Variants in ANKRD13B observed in about 807,000 individuals in gnomAD.
The protein encoded by ANKRD13B is ankyrin repeat domain 13B, also known as ankyrin repeat domain-containing protein 13B.
ANKRD13B carries 33 observed loss-of-function variants against 74.4 expected under a neutral mutation model. The ratio of observed to expected loss-of-function variants is 0.44; its 90% CI spans 0.34 to 0.59. The LOEUF (loss-of-function observed/expected upper bound fraction) is 0.59. ANKRD13B is among the 20% of genes least tolerant of loss of function. The pLI is 0.02. For synonymous variants in ANKRD13B, 341 were observed against 362.9 expected (o/e 0.94, Z 0.68); for missense variants, 676 against 877.9 (o/e 0.77, Z 2.91).
chr17:29,604,896 G>T (rs988785551), intron 1 of ANKRD13B, among the ~76,000 whole-genome samples: 1 of 152,170 alleles, frequency 6.6e-6, no homozygotes, highest in African/African-American at 2.4e-5. Context: ...TTTCTCTAGG[G>T]ATAGTTTAGC....
Position 29,613,665 on chromosome 17 carries a change from C to T in ANKRD13B, c.*83C>T. On this transcript the variant is annotated 3_prime_UTR_variant, in exon 15 of 15. Coordinates refer to ENST00000394859, the MANE Select transcript of ANKRD13B (RefSeq NM_152345.5). The stretch of plus-strand genomic sequence containing the variant: ...AGACAAACCCCGGCCTGCGCGCCTG[C>T]AGAGCGGCGGCTGGAGACTGGAGCC... 1 of 1,372,084 alleles carries T rather than the reference C, an allele frequency of 7.3e-7. No individual in the cohort carries two copies. The highest frequency in any genetic ancestry group is 1.5e-5 in the African/African-American group (1 of 65,322). 85.0% of individuals were successfully genotyped at this position (1,372,084 alleles called of 1,614,324 possible).
At chr17:29,613,154 T>C in intron 14 of ANKRD13B, 191 bp downstream of exon 14, 1 of 1,151,600 alleles carries the variant, frequency 8.7e-7, no homozygotes, top group East Asian at 2.6e-5. Flanking sequence ...GAGTTCAGAC[T>C]CTCCCCAGGC....
At chr17:29,600,652 C>A (rs1033524481) in intron 1 of ANKRD13B, among the ~76,000 whole-genome samples, 1 of 152,124 alleles carries the variant, frequency 6.6e-6, no homozygotes, top group African/African-American at 2.4e-5. Flanking sequence ...TTGTAACCAG[C>A]CTCCCTGCAC....
Position 29,607,897 on chromosome 17 carries a change from C to T in ANKRD13B, c.250+20C>T. The T allele has an allele frequency of 6.3e-7, 1 of 1,585,430 alleles. No homozygotes were observed. The highest frequency in any genetic ancestry group is 1.1e-5 in the South Asian group (1 of 88,942). Reference sequence around the variant, plus strand: ...GGACAGGTGGGCAGCCCTGCTCACCCCAGCCCCACAGCCGGGGCCTCCCCA... The same window carrying T: ...GGACAGGTGGGCAGCCCTGCTCACCTCAGCCCCACAGCCGGGGCCTCCCCA... On this transcript the variant is annotated intron_variant, in intron 2 of 14. Coordinates refer to ENST00000394859, the MANE Select transcript of ANKRD13B (RefSeq NM_152345.5).
intron 1 of ANKRD13B, among the ~76,000 whole-genome samples, chr17:29,601,558 T>G (rs895204659): frequency 3.9e-5 from 6 of 152,198 alleles, no homozygotes; most frequent in Admixed American, 6.5e-5. Flanking sequence ...TTTTTGGCAC[T>G]CTTCAATCCT....
chr17:29,597,606 A>G (rs530844670), intron 1 of ANKRD13B, among the ~76,000 whole-genome samples: 4 of 152,190 alleles, frequency 2.6e-5, no homozygotes, highest in African/African-American at 9.6e-5. Flanking sequence ...TTTTCATTCC[A>G]GCAATTAAAT....
At chr17:29,610,816 C>G (rs537000008) in intron 8 of ANKRD13B, 50 bp downstream of exon 8, 2 of 1,569,350 alleles carry the variant, frequency 1.3e-6, no homozygotes, top group South Asian at 2.3e-5. Flanking sequence ...CTGCGGGAAC[C>G]AGCTCCCACT....
Position 29,613,524 on chromosome 17 carries a change from C to T in ANKRD13B, c.1823C>T (p.Ala608Val). The T allele has an allele frequency of 6.6e-7, 1 of 1,524,950 alleles. No individual in the cohort carries two copies. Among genetic ancestry groups the T allele is most frequent in the Non-Finnish European group, 8.8e-7 (1 of 1,138,824 alleles). The allele number at this position is 1,524,950 out of a possible 1,614,324, so 94.5% of individuals were successfully genotyped here. Reference protein sequence around the residue: ...AQEQEERRRRARQEEEELERI... With the variant: ...AQEQEERRRRVRQEEEELERI... Reference sequence around the variant, plus strand: ...GAGCAGGAGGAGAGGCGGCGGCGCGCGCGCCAGGAGGAGGAGGAGCTGGAG... The same window carrying T: ...GAGCAGGAGGAGAGGCGGCGGCGCGTGCGCCAGGAGGAGGAGGAGCTGGAG... Residue 608 changes from alanine to valine, a missense_variant, in exon 15 of 15, where the codon GCG becomes GTG. Coordinates refer to ENST00000394859, the MANE Select transcript of ANKRD13B (RefSeq NM_152345.5).
Position 29,612,036 on chromosome 17 carries a change from G to T in ANKRD13B, c.1100+30G>T. ...GGCCCCTGCCGGTGCTGGGAAGGTG[G>T]GGGGCCGGGGCTCCAGGAGATGCTG... On this transcript the variant is annotated intron_variant, in intron 10 of 14. Coordinates refer to ENST00000394859, the MANE Select transcript of ANKRD13B (RefSeq NM_152345.5). This position sits in a 1 kb window ranked among gnomAD's most constrained non-coding sequence, Gnocchi z 6.1. The T allele has an allele frequency of 6.2e-7, 1 of 1,608,828 alleles. No homozygotes were observed. Among genetic ancestry groups the T allele is most frequent in the Non-Finnish European group, 8.5e-7 (1 of 1,176,792 alleles).
At chr17:29,610,519 GTGAA>G (rs1008685340) in intron 7 of ANKRD13B, among the ~76,000 whole-genome samples, 162 bp from the exon 8 acceptor site, 4 of 152,300 alleles carry the variant, frequency 2.6e-5, no homozygotes, top group Non-Finnish European at 4.4e-5. Context: ...GAATGAATAA[GTGAA>G]TGAATGAATG....
chr17:29,598,051 A>G (rs2034017860), intron 1 of ANKRD13B, among the ~76,000 whole-genome samples: 2 of 152,156 alleles, frequency 1.3e-5, no homozygotes, highest in East Asian at 1.9e-4. Flanking sequence ...TTCCCCAGTC[A>G]GCTCGGGCCC....
In ANKRD13B at chr17:29,611,877, C is replaced by A. The variant is rs778864657; in HGVS notation, c.971C>A (p.Thr324Asn). The change falls in exon 10 of 15, where the codon ACC (threonine) becomes AAC (asparagine). Residue 324 changes from threonine to asparagine, a missense_variant and splice_region_variant. Physicochemically the swap from Thr to Asn is moderately conservative, Grantham distance 65. Transcript: ENST00000394859. The surrounding 1 kb of genome is among the most constrained non-coding windows in gnomAD (Gnocchi z 4.3). Reference sequence around the variant, plus strand: ...TGGGCCCCTCCCCATGTGGTACAGACCCTGATCACTCAGACTCTGAGCCAA... The same window carrying A: ...TGGGCCCCTCCCCATGTGGTACAGAACCTGATCACTCAGACTCTGAGCCAA... Reference protein sequence around the residue: ...AEQHGGPQNGTLITQTLSQAN... With the variant: ...AEQHGGPQNGNLITQTLSQAN... The A allele has an allele frequency of 6.2e-7, 1 of 1,608,100 alleles. No individual in the cohort carries two copies. The highest frequency in any genetic ancestry group is 1.7e-5 in the Admixed American group (1 of 59,468).
At chr17:29,593,780 C>A in intron 1 of ANKRD13B, 45 bp downstream of exon 1, 1 of 1,214,566 alleles carries the variant, frequency 8.2e-7, no homozygotes. Context: ...CGGCCGGGCA[C>A]GCCCGTCCGG....
At chr17:29,601,271 G>C (rs1046404933) in intron 1 of ANKRD13B, among the ~76,000 whole-genome samples, 1 of 150,264 alleles carries the variant, frequency 6.7e-6, no homozygotes, top group Admixed American at 6.6e-5. Context: ...ACCCAGGCTG[G>C]AGTGCAGTGG....
rs1189889422 is a variant in ANKRD13B at position 29,608,290 on chromosome 17, G to A, written c.421+50G>A. On this transcript the variant is annotated intron_variant, in intron 4 of 14. Coordinates refer to ENST00000394859, the MANE Select transcript of ANKRD13B (RefSeq NM_152345.5). This position sits in a 1 kb window ranked among gnomAD's most constrained non-coding sequence, Gnocchi z 6.4. ...TCTGGGCTCTCCCACTTTAGGTCCT[G>A]CGCTTGCTCCCCTGCCTGGAATGTG... The A allele has an allele frequency of 3.7e-6, 6 of 1,610,958 alleles. No homozygotes were observed. The Admixed American group carries it at 1.0e-4, about 27-fold the overall frequency.
At chr17:29,610,957 C>T (rs553633699) in intron 8 of ANKRD13B, among the ~76,000 whole-genome samples, 191 bp downstream of exon 8, 1 of 152,310 alleles carries the variant, frequency 6.6e-6, no homozygotes, top group South Asian at 2.1e-4. Flanking sequence ...TAAGAAGTTT[C>T]TAAGGACTCA....
intron 14 of ANKRD13B, 119 bp from the exon 15 acceptor site, chr17:29,613,235 G>T: frequency 7.2e-7 from 1 of 1,395,980 alleles, no homozygotes; most frequent in Non-Finnish European, 9.3e-7. Context: ...CCGCGGGACT[G>T]ACCGCCTCCA....
intron 1 of ANKRD13B, among the ~76,000 whole-genome samples, chr17:29,604,573 G>A (rs893746237): frequency 4.1e-5 from 6 of 145,746 alleles, no homozygotes; most frequent in African/African-American, 1.3e-4. Context: ...ATGGAGTCTT[G>A]CTCTGTCACC....
chr17:29,605,640 T>C (rs999334396), intron 1 of ANKRD13B, among the ~76,000 whole-genome samples: 4 of 152,082 alleles, frequency 2.6e-5, no homozygotes, highest in African/African-American at 9.7e-5. Context: ...CTAATTCTTT[T>C]GTATTTTTTG....
Sources: gnomAD v4.1 joint callset for allele counts (sites outside exome capture counted in the v4.1 genomes callset) on GRCh38, gnomAD v4.1.1 for gene constraint, Gnocchi (gnomAD v3.1) non-coding constraint, MANE v1.5 for transcripts, NCBI Gene and HGNC (gene_info 2026-07-23, HGNC 2026-07-21) for gene names.